SCAPER: variants seen among roughly 807,000 people sequenced by gnomAD.
The protein encoded by SCAPER is S-phase cyclin A associated protein in the ER, also known as S phase cyclin A-associated protein in the endoplasmic reticulum.
A neutral mutation model predicts 182.2 loss-of-function variants in SCAPER; 98 were observed. The observed-to-expected ratio is 0.54, with a 90% confidence interval of 0.46 to 0.64. The LOEUF is 0.64. Among genes scored for constraint, SCAPER ranks in the 30% least tolerant of loss-of-function variants. The pLI is 0.00. For missense variants in SCAPER, 1,432 were observed against 1,690.0 expected, an observed-to-expected ratio of 0.85 and a Z score of 2.68; for synonymous variants, 605 against 564.6, an observed-to-expected ratio of 1.07 and a Z score of -1.01.
intron 14 of SCAPER, among the ~76,000 whole-genome samples, chr15:76,755,561 C>T (rs1161844103): frequency 2.0e-5 from 3 of 152,126 alleles, no homozygotes; most frequent in African/African-American, 4.8e-5. Flanking sequence ...TTTCAACATG[C>T]TGTGTTAGGT....
At chr15:76,765,293 T>C (rs1163717636) in intron 13 of SCAPER, 44 bp downstream of exon 13, 4 of 1,489,648 alleles carry the variant, frequency 2.7e-6, no homozygotes, top group South Asian at 2.4e-5. Flanking sequence ...AGTGGCTAGT[T>C]TCCTTGCTGT....
At chr15:76,638,969 T>A (rs2053874245) in intron 21 of SCAPER, among the ~76,000 whole-genome samples, 1 of 152,172 alleles carries the variant, frequency 6.6e-6, no homozygotes, top group African/African-American at 2.4e-5. Context: ...TTGCTCAAGG[T>A]TACATGACAT....
At chr15:76,689,170 G>GA (rs1396409279) in intron 20 of SCAPER, among the ~76,000 whole-genome samples, 3 of 151,092 alleles carry the variant, frequency 2.0e-5, no homozygotes, top group South Asian at 2.1e-4. Flanking sequence ...TCTTAAAAAG[G>GA]AAAAAAAATG....
At chr15:76,651,814 G>GA (rs200721516) in intron 21 of SCAPER, among the ~76,000 whole-genome samples, 1,973 of 99,356 alleles carry the variant, frequency 0.02, 19 homozygotes, top group African/African-American at 0.049. Flanking sequence ...AGGCACAATG[G>GA]AAAAAAAAAA....
chr15:76,535,460 T>C (rs530536700), intron 23 of SCAPER, among the ~76,000 whole-genome samples: 112 of 132,876 alleles, frequency 8.4e-4, no homozygotes, highest in African/African-American at 3.0e-3. Context: ...AGGCGGAGGT[T>C]GCAGTGAGCT....
intron 23 of SCAPER, among the ~76,000 whole-genome samples, chr15:76,521,423 C>T (rs564349849): frequency 1.3e-4 from 20 of 151,586 alleles, no homozygotes; most frequent in Non-Finnish European, 2.5e-4. Flanking sequence ...AGGCTCACGA[C>T]TGTAATCCCA....
At chr15:76,374,987 GAGGCCA>G (rs1567017702) in intron 29 of SCAPER, among the ~76,000 whole-genome samples, 1 of 151,776 alleles carries the variant, frequency 6.6e-6, no homozygotes, top group African/African-American at 2.4e-5. Context: ...AGCATTTTGG[GAGGCCA>G]AGGCAGGAGG....
intron 26 of SCAPER, among the ~76,000 whole-genome samples, chr15:76,412,505 T>A (rs1259081441): frequency 6.6e-6 from 1 of 152,018 alleles, no homozygotes; most frequent in Non-Finnish European, 1.5e-5. Flanking sequence ...TAAAAAATAG[T>A]GTATTTTTTT....
intron 17 of SCAPER, among the ~76,000 whole-genome samples, chr15:76,709,607 T>A (rs971760876): frequency 6.6e-6 from 1 of 152,208 alleles, no homozygotes; most frequent in Non-Finnish European, 1.5e-5. Context: ...CCAAGCCTGA[T>A]GGCTTTACTG....
At chr15:76,809,675 A>G (rs754921993) in intron 5 of SCAPER, among the ~76,000 whole-genome samples, 3 of 152,172 alleles carry the variant, frequency 2.0e-5, no homozygotes, top group Non-Finnish European at 2.9e-5. Flanking sequence ...AGAAAGTGAC[A>G]GAAGGCTTAT....
intron 22 of SCAPER, among the ~76,000 whole-genome samples, chr15:76,579,307 A>G (rs538473275): frequency 6.6e-6 from 1 of 151,018 alleles, no homozygotes; most frequent in Non-Finnish European, 1.5e-5. Flanking sequence ...TACAACAACA[A>G]TGTTTTAAGA....
intron 22 of SCAPER, among the ~76,000 whole-genome samples, chr15:76,613,270 C>A (rs2051161590): frequency 6.6e-6 from 1 of 152,098 alleles, no homozygotes; most frequent in African/African-American, 2.4e-5. Context: ...CAAAAATTAA[C>A]TCAAGATGGA....
chr15:76,560,971 C>G (rs1028376397), intron 23 of SCAPER, among the ~76,000 whole-genome samples: 1 of 152,140 alleles, frequency 6.6e-6, no homozygotes, highest in Non-Finnish European at 1.5e-5. Context: ...AAGAACTGAG[C>G]TGAACTGAAG....
chr15:76,556,848 T>C (rs1043986109), intron 23 of SCAPER, among the ~76,000 whole-genome samples: 3 of 152,090 alleles, frequency 2.0e-5, no homozygotes, highest in Non-Finnish European at 4.4e-5. Context: ...TGCTTCTATA[T>C]CTAAAAAATC....
intron 23 of SCAPER, among the ~76,000 whole-genome samples, chr15:76,540,094 C>A (rs181605459): frequency 1.3e-5 from 2 of 152,194 alleles, no homozygotes; most frequent in East Asian, 1.9e-4. Flanking sequence ...TTTTTCACTG[C>A]ATTTTCTTTT....
At chr15:76,881,477 A>T (rs2073535254) in intron 2 of SCAPER, among the ~76,000 whole-genome samples, 1 of 152,240 alleles carries the variant, frequency 6.6e-6, no homozygotes, top group Non-Finnish European at 1.5e-5. Context: ...GAAACAGCCC[A>T]AGTGTCTGAT....
intron 20 of SCAPER, among the ~76,000 whole-genome samples, chr15:76,674,796 T>C (rs62026905): frequency 1.1e-4 from 17 of 151,972 alleles, no homozygotes; most frequent in Non-Finnish European, 2.1e-4. Flanking sequence ...CTTTCCCTAA[T>C]ACAATTATGC....
intron 24 of SCAPER, among the ~76,000 whole-genome samples, chr15:76,497,999 A>AAAT (rs1352343391): frequency 0.037 from 4,312 of 116,762 alleles, 141 homozygotes; most frequent in Non-Finnish European, 0.057. Context: ...CAAAAAAAAA[A>AAAT]AAAAAAAAAA....
chr15:76,718,306 T>A (rs576410134), intron 17 of SCAPER, among the ~76,000 whole-genome samples: 1 of 152,196 alleles, frequency 6.6e-6, no homozygotes, highest in African/African-American at 2.4e-5. Flanking sequence ...AGTTTCTGCA[T>A]AGCAAAGAAA....
Sources: gnomAD v4.1 joint callset for allele counts (sites outside exome capture counted in the v4.1 genomes callset) on GRCh38, gnomAD v4.1.1 for gene constraint, MANE v1.5 for transcripts, NCBI Gene and HGNC (gene_info 2026-07-23, HGNC 2026-07-21) for gene names.